Variants in WWOX observed in about 807,000 individuals in gnomAD.
WWOX encodes the protein WW domain-containing oxidoreductase.
A neutral mutation model predicts 46.2 loss-of-function variants in WWOX; 69 were observed. The ratio of observed to expected loss-of-function variants is 1.49; its 90% confidence interval spans 1.23 to 1.82. The LOEUF (loss-of-function observed/expected upper bound fraction) is 1.82, where lower values mean the gene tolerates loss of function less well. Ranked by LOEUF, WWOX falls within the 40% of genes most tolerant of loss-of-function variation. The probability of loss-of-function intolerance (pLI) is 0.00; values close to 1 mark genes in which losing one functional copy is unlikely to be tolerated. For missense variants in WWOX, 919 were observed against 542.6 expected, an observed-to-expected ratio of 1.69 and a Z score of -6.89; for synonymous variants, 359 against 202.6, an observed-to-expected ratio of 1.77 and a Z score of -6.56.
At chr16:79,139,440 C>G (rs998470608) in intron 8 of WWOX, among the ~76,000 whole-genome samples, 1 of 152,078 alleles carries the variant, frequency 6.6e-6, no homozygotes, top group Admixed American at 6.6e-5. Context: ...ACATCTAGTG[C>G]CAGAGAGCTG....
At chr16:79,132,393 C>A (rs146452255) in intron 8 of WWOX, among the ~76,000 whole-genome samples, 3 of 152,138 alleles carry the variant, frequency 2.0e-5, no homozygotes, top group African/African-American at 7.2e-5. Context: ...CTTTGTCTAA[C>A]GCTTCATGAG....
chr16:78,383,209 C>T (rs1348268277), intron 5 of WWOX, among the ~76,000 whole-genome samples: 1 of 151,984 alleles, frequency 6.6e-6, no homozygotes, highest in Non-Finnish European at 1.5e-5. Context: ...AGCCAAACCA[C>T]ATCAGGTGAC....
chr16:78,925,393 C>A (rs1378295963), intron 8 of WWOX, among the ~76,000 whole-genome samples: 2 of 152,142 alleles, frequency 1.3e-5, no homozygotes, highest in African/African-American at 4.8e-5. Context: ...TTTGAAAGGA[C>A]AGCTCTCAGG....
intron 8 of WWOX, among the ~76,000 whole-genome samples, chr16:79,078,692 G>A (rs557220278): frequency 6.6e-6 from 1 of 152,172 alleles, no homozygotes. Context: ...TAAAGGACTT[G>A]ATGGATAAAG....
intron 8 of WWOX, among the ~76,000 whole-genome samples, chr16:78,577,808 A>T (rs541098445): frequency 6.6e-6 from 1 of 152,084 alleles, no homozygotes; most frequent in African/African-American, 2.4e-5. Context: ...CAATGACATG[A>T]CTTTCAGTTT....
chr16:78,675,713 G>A (rs1237754088), intron 8 of WWOX, among the ~76,000 whole-genome samples: 1 of 152,144 alleles, frequency 6.6e-6, no homozygotes, highest in African/African-American at 2.4e-5. Flanking sequence ...AGTGGCTCAT[G>A]CCTATAACCC....
intron 8 of WWOX, among the ~76,000 whole-genome samples, chr16:78,810,129 C>T (rs1275219200): frequency 3.3e-5 from 5 of 152,200 alleles, no homozygotes; most frequent in Admixed American, 2.6e-4. Context: ...GAGGAGCCCT[C>T]ATACAGTTCT....
At chr16:79,017,391 C>G (rs1006642827) in intron 8 of WWOX, 2 of 121,024 alleles carry the variant, frequency 1.7e-5, no homozygotes, top group Admixed American at 2.3e-4. Flanking sequence ...GATCGCTTCA[C>G]TGCACTCCAG....
chr16:78,545,666 A>G (rs965989907), intron 8 of WWOX, among the ~76,000 whole-genome samples: 3 of 152,198 alleles, frequency 2.0e-5, no homozygotes, highest in Non-Finnish European at 2.9e-5. Flanking sequence ...TTCATTTGCT[A>G]TGGCTAACAT....
chr16:79,003,887 C>T (rs1109934), intron 8 of WWOX, among the ~76,000 whole-genome samples: 15,787 of 152,218 alleles, frequency 0.1, 948 homozygotes, highest in Middle Eastern at 0.24. Context: ...CAGACTCCAC[C>T]TCTCGATGAG....
chr16:78,834,384 A>G (rs1597694100), intron 8 of WWOX, among the ~76,000 whole-genome samples: 1 of 152,200 alleles, frequency 6.6e-6, no homozygotes, highest in African/African-American at 2.4e-5. Context: ...CGTGTGTCTC[A>G]TAAATCGGCA....
At chr16:78,810,461 A>G (rs935953715) in intron 8 of WWOX, among the ~76,000 whole-genome samples, 1 of 152,192 alleles carries the variant, frequency 6.6e-6, no homozygotes, top group Non-Finnish European at 1.5e-5. Flanking sequence ...CTCAGAAAAC[A>G]TCCCTAGGAA....
chr16:78,215,718 A>C (rs2036696921), intron 5 of WWOX, among the ~76,000 whole-genome samples: 1 of 152,104 alleles, frequency 6.6e-6, no homozygotes. Context: ...ACTTGAGGTC[A>C]AGAGTTTGAG....
At chr16:78,418,109 C>A (rs78164152) in intron 6 of WWOX, among the ~76,000 whole-genome samples, 1 of 152,096 alleles carries the variant, frequency 6.6e-6, no homozygotes, top group South Asian at 2.1e-4. Flanking sequence ...GCCTGTAATC[C>A]CAACACTTTG....
intron 5 of WWOX, among the ~76,000 whole-genome samples, chr16:78,338,479 T>C (rs1350606537): frequency 8.2e-6 from 1 of 121,872 alleles, no homozygotes; most frequent in African/African-American, 2.8e-5. Context: ...ATTATTGTTA[T>C]CTTTATGGAG....
intron 8 of WWOX, among the ~76,000 whole-genome samples, chr16:78,844,599 C>A (rs145376492): frequency 6.6e-6 from 1 of 151,908 alleles, no homozygotes; most frequent in Non-Finnish European, 1.5e-5. Context: ...AGGGAAAGAC[C>A]GCAGAATTCT....
intron 8 of WWOX, among the ~76,000 whole-genome samples, chr16:79,095,125 G>C (rs2049042537): frequency 6.6e-6 from 1 of 152,160 alleles, no homozygotes; most frequent in South Asian, 2.1e-4. Flanking sequence ...TTCTCTAAAA[G>C]GCTTCCCAAT....
intron 8 of WWOX, among the ~76,000 whole-genome samples, chr16:79,115,669 C>T (rs1001436256): frequency 1.3e-5 from 2 of 152,144 alleles, no homozygotes; most frequent in African/African-American, 4.8e-5. Flanking sequence ...TGATGAGCTG[C>T]AGGGGGCCTC....
chr16:78,941,274 G>T (rs2045846432), intron 8 of WWOX, among the ~76,000 whole-genome samples: 1 of 152,094 alleles, frequency 6.6e-6, no homozygotes, highest in Non-Finnish European at 1.5e-5. Context: ...TTGGGCCCGT[G>T]CTATAATTAA....
Sources: allele counts gnomAD v4.1 joint callset (sites outside exome capture counted in the v4.1 genomes callset), GRCh38; gene constraint gnomAD v4.1.1; transcripts MANE v1.5; gene names NCBI Gene and HGNC (gene_info 2026-07-23, HGNC 2026-07-21).